Variants in FBXW8 observed in about 807,000 individuals in gnomAD.
FBXW8 encodes F-box/WD repeat-containing protein 8.
Under a neutral mutation model 65.3 loss-of-function variants are expected in FBXW8, and 57 were observed. That is an observed-to-expected ratio of 0.87 (90% confidence interval 0.71 to 1.09). The LOEUF is 1.09. Ranked by LOEUF, FBXW8 falls within the 50% of genes least tolerant of loss-of-function variation. FBXW8 has a pLI of 0.00. For synonymous variants in FBXW8, 308 were observed against 330.2 expected (o/e 0.93, Z 0.73); for missense variants, 777 against 814.8 (o/e 0.95, Z 0.57).
chr12:117,006,782 G>A (rs1195703989), intron 7 of FBXW8, among the ~76,000 whole-genome samples: 2 of 152,258 alleles, frequency 1.3e-5, no homozygotes, highest in African/African-American at 4.8e-5. Flanking sequence ...GTTCATTCCA[G>A]TGCCTAGAAG....
intron 10 of FBXW8, among the ~76,000 whole-genome samples, 169 bp from the exon 11 acceptor site, chr12:117,027,859 C>T (rs930845038): frequency 4.6e-5 from 7 of 152,254 alleles, no homozygotes; most frequent in Admixed American, 1.3e-4. Flanking sequence ...CCCACGTTGA[C>T]CGCTAAGCCG....
At chr12:116,941,655 C>T (rs529356370) in intron 2 of FBXW8, among the ~76,000 whole-genome samples, 17 of 152,274 alleles carry the variant, frequency 1.1e-4, no homozygotes, top group Admixed American at 1.0e-3. Flanking sequence ...ATTTTGACAC[C>T]AAGATAAACT....
chr12:116,988,927 AG>A (rs1371071392), intron 7 of FBXW8, 58 bp downstream of exon 7: 5 of 1,497,544 alleles, frequency 3.3e-6, no homozygotes, highest in Non-Finnish European at 3.7e-6. Flanking sequence ...ATTTTTTAGA[AG>A]GGAATTGAAA....
At chr12:116,986,951 T>A (rs1156423396) in intron 6 of FBXW8, 1 of 152,268 alleles carries the variant, frequency 6.6e-6, no homozygotes, top group Non-Finnish European at 1.5e-5. Flanking sequence ...GCAGCCATTG[T>A]TCAAGGCGGG....
chr12:116,984,078 C>G (rs1029915200), intron 5 of FBXW8, among the ~76,000 whole-genome samples: 1 of 152,116 alleles, frequency 6.6e-6, no homozygotes, highest in African/African-American at 2.4e-5. Context: ...CATTAACCAG[C>G]CTAATGCAGA....
intron 4 of FBXW8, among the ~76,000 whole-genome samples, chr12:116,952,538 G>A (rs1160550297): frequency 1.3e-5 from 2 of 152,096 alleles, no homozygotes; most frequent in Non-Finnish European, 2.9e-5. Context: ...TAGCACTGTA[G>A]CCTAGCGTCC....
intron 6 of FBXW8, among the ~76,000 whole-genome samples, chr12:116,987,792 C>T (rs1331489781): frequency 6.6e-6 from 1 of 152,158 alleles, no homozygotes; most frequent in Non-Finnish European, 1.5e-5. Context: ...ATTTAAAAGA[C>T]ACAATAAAGC....
chr12:116,973,839 T>G (rs936248567), intron 5 of FBXW8, among the ~76,000 whole-genome samples: 5 of 152,244 alleles, frequency 3.3e-5, no homozygotes, highest in Non-Finnish European at 5.9e-5. Context: ...TTCTTGCAGC[T>G]TTTCTGTAAT....
intron 5 of FBXW8, among the ~76,000 whole-genome samples, chr12:116,966,585 G>A (rs1884341128): frequency 6.6e-6 from 1 of 152,158 alleles, no homozygotes; most frequent in African/African-American, 2.4e-5. Context: ...CATCTCGTGA[G>A]CTTGAAAATA....
At chr12:117,007,272 A>T (rs193287674) in intron 7 of FBXW8, among the ~76,000 whole-genome samples, 209 of 152,000 alleles carry the variant, frequency 1.4e-3, no homozygotes, top group Non-Finnish European at 2.5e-3. Flanking sequence ...AAAAAAAAAA[A>T]CAGATGAATA....
intron 5 of FBXW8, among the ~76,000 whole-genome samples, chr12:116,972,773 A>G (rs141944972): frequency 1.3e-3 from 195 of 152,320 alleles, no homozygotes; most frequent in Non-Finnish European, 2.2e-3. Flanking sequence ...ATGGTGTTAA[A>G]TATAGATAGA....
chr12:116,968,011 G>C (rs969718121), intron 5 of FBXW8, among the ~76,000 whole-genome samples: 7 of 152,200 alleles, frequency 4.6e-5, no homozygotes, highest in Admixed American at 2.0e-4. Flanking sequence ...CAAGTGATCT[G>C]CCTGTCTTGG....
At chr12:116,937,588 A>T in intron 2 of FBXW8, among the ~76,000 whole-genome samples, 1 of 152,282 alleles carries the variant, frequency 6.6e-6, no homozygotes, top group Middle Eastern at 3.4e-3. Flanking sequence ...AGAAATGACC[A>T]TTGGGTTTTG....
chr12:116,918,698 G>A (rs751940058), intron 1 of FBXW8, among the ~76,000 whole-genome samples: 4 of 152,148 alleles, frequency 2.6e-5, no homozygotes, highest in Non-Finnish European at 5.9e-5. Flanking sequence ...GTTCAGACTC[G>A]AATCCATTGC....
Position 117,024,180 on chromosome 12 carries a change from C to G in FBXW8, c.1401C>G (p.Ile467Met). 1 of 1,614,162 alleles carries G rather than the reference C, an allele frequency of 6.2e-7. No individual in the cohort carries two copies. The highest frequency in any genetic ancestry group is 8.5e-7 in the Non-Finnish European group (1 of 1,180,024). The change falls in exon 9 of 11, where the codon ATC (isoleucine) becomes ATG (methionine). Residue 467 changes from isoleucine to methionine, a missense_variant. By Grantham distance (10) the Ile-to-Met change is conservative. Transcript: ENST00000652555. ...VRIHDLRSGN[I>M]ALSLSAHQLR... ...TCCACGACCTCCGCAGTGGTAACAT[C>G]GCCCTGTCGCTCTCCGCCCATCAGC...
chr12:116,959,404 G>C (rs1470565368), intron 4 of FBXW8, among the ~76,000 whole-genome samples: 1 of 152,128 alleles, frequency 6.6e-6, no homozygotes, highest in Non-Finnish European at 1.5e-5. Flanking sequence ...AGAAAAACCT[G>C]GGGCACATTT....
At position 116,911,014 on chromosome 12, in the gene FBXW8, C is replaced by T. The variant is rs777987734; in HGVS notation, c.-24C>T. The T allele has an allele frequency of 1.4e-5, 19 of 1,384,122 alleles. No individual in the cohort carries two copies. Among genetic ancestry groups the T allele is most frequent in the South Asian group, 1.7e-5 (1 of 60,584 alleles). 85.7% of individuals were successfully genotyped at this position (1,384,122 alleles called of 1,614,324 possible). On this transcript the variant is annotated 5_prime_UTR_variant, in exon 1 of 11. It adds an upstream start codon to the 5' untranslated region. Transcript: ENST00000652555. Reference sequence around the variant, plus strand: ...TGGCACCCGGTGGAACCGAGGAGAACGTGGAGCGCCGGGAGCGGCGAATAT... The same window carrying T: ...TGGCACCCGGTGGAACCGAGGAGAATGTGGAGCGCCGGGAGCGGCGAATAT...
intron 8 of FBXW8, among the ~76,000 whole-genome samples, chr12:117,014,577 G>A (rs1032255193): frequency 5.3e-5 from 8 of 152,164 alleles, no homozygotes; most frequent in Non-Finnish European, 8.8e-5. Flanking sequence ...ATCCTCCAAC[G>A]AATGATTTTT....
intron 2 of FBXW8, among the ~76,000 whole-genome samples, chr12:116,944,807 G>A (rs1882822123): frequency 6.6e-6 from 1 of 152,188 alleles, no homozygotes; most frequent in Non-Finnish European, 1.5e-5. Flanking sequence ...TAATCTTACA[G>A]TCCTGGATAA....
Sources: allele counts gnomAD v4.1 joint callset (sites outside exome capture counted in the v4.1 genomes callset), GRCh38; gene constraint gnomAD v4.1.1; transcripts MANE v1.5; gene names NCBI Gene and HGNC (gene_info 2026-07-23, HGNC 2026-07-21).